Variants in DOCK1 observed in about 807,000 individuals in gnomAD.
The protein encoded by DOCK1 is dedicator of cytokinesis 1, also known as dedicator of cytokinesis protein 1.
Under a neutral mutation model 262.7 loss-of-function variants are expected in DOCK1, and 138 were observed. That is an observed-to-expected ratio of 0.53 (90% CI 0.46 to 0.61). The LOEUF (loss-of-function observed/expected upper bound fraction) is 0.61. Ranked by LOEUF, DOCK1 falls within the 20% of genes least tolerant of loss-of-function variation. The probability of loss-of-function intolerance (pLI) is 0.00; values close to 1 mark genes in which losing one functional copy is unlikely to be tolerated. For synonymous variants in DOCK1, 866 were observed against 867.4 expected, an observed-to-expected ratio of 1.00 and a Z score of 0.03; for missense variants, 1,908 against 2,370.7, an observed-to-expected ratio of 0.80 and a Z score of 4.05.
intron 38 of DOCK1, among the ~76,000 whole-genome samples, chr10:127,394,294 T>A (rs893561129): frequency 2.0e-5 from 3 of 151,776 alleles, no homozygotes; most frequent in Non-Finnish European, 4.4e-5. Flanking sequence ...AGCTCTGTTG[T>A]ATTTTCCCTT....
intron 16 of DOCK1, among the ~76,000 whole-genome samples, chr10:127,031,318 T>C (rs1159097687): frequency 2.0e-5 from 3 of 152,182 alleles, no homozygotes; most frequent in Non-Finnish European, 4.4e-5. Flanking sequence ...GTTGCGGGCT[T>C]TCCTCTGCCT....
At position 127,444,359 on chromosome 10, in the gene DOCK1, G is replaced by A. The variant is rs895502142; in HGVS notation, c.5413+80G>A. Reference sequence around the variant, plus strand: ...CACTGAAGGCTCTGAGGTTAGAAGCGCTTCCTCCCTCCCCTTGCAGCAGAG... The same window carrying A: ...CACTGAAGGCTCTGAGGTTAGAAGCACTTCCTCCCTCCCCTTGCAGCAGAG... On this transcript the variant is annotated intron_variant, in intron 50 of 51. Coordinates refer to ENST00000623213, the MANE Select transcript of DOCK1 (RefSeq NM_001290223.2). 3.4e-5 allele frequency: 49 copies of A among 1,458,252 alleles called. No homozygotes were observed. In the East Asian group the frequency reaches 3.9e-4, roughly 12 times the overall value. 90.3% of individuals were successfully genotyped at this position (1,458,252 alleles called of 1,614,324 possible). A position where few individuals can be genotyped will look rare whatever the true frequency, so the allele number is the denominator to read the frequency against.
At chr10:127,227,432 C>G (rs994734260) in intron 27 of DOCK1, among the ~76,000 whole-genome samples, 1 of 152,112 alleles carries the variant, frequency 6.6e-6, no homozygotes, top group Non-Finnish European at 1.5e-5. Context: ...TCCTGAGCAC[C>G]CATCTGGCCT....
intron 29 of DOCK1, among the ~76,000 whole-genome samples, chr10:127,281,698 G>A (rs1447132911): frequency 5.9e-5 from 9 of 152,160 alleles, no homozygotes; most frequent in Non-Finnish European, 8.8e-5. Flanking sequence ...CAGAAGACAC[G>A]CAGGGTTGAT....
intron 23 of DOCK1, among the ~76,000 whole-genome samples, chr10:127,101,137 A>G: frequency 6.6e-6 from 1 of 151,396 alleles, no homozygotes; most frequent in Non-Finnish European, 1.5e-5. Flanking sequence ...TGGGAGCTGG[A>G]GTCTTGTGTT....
intron 29 of DOCK1, among the ~76,000 whole-genome samples, chr10:127,292,717 G>C (rs553972204): frequency 1.1e-4 from 17 of 152,194 alleles, no homozygotes; most frequent in African/African-American, 4.1e-4. Flanking sequence ...TGCTTGTCAG[G>C]TATGCTGTTG....
chr10:126,936,891 C>T (rs936099667), intron 1 of DOCK1, among the ~76,000 whole-genome samples: 1 of 152,134 alleles, frequency 6.6e-6, no homozygotes, highest in Non-Finnish European at 1.5e-5. Context: ...CATTCGTCAC[C>T]GGAACTCTTT....
rs1427343077 is a variant in DOCK1, at chr10:127,451,564, G to A, written c.*137G>A. 6.6e-6 allele frequency: 10 copies of A among 1,505,910 alleles called. No homozygotes were observed. The East Asian group carries it at 2.5e-4, about 38-fold the overall frequency. The allele number at this position is 1,505,910 out of a possible 1,614,324, so 93.3% of individuals were successfully genotyped here. On this transcript the variant is annotated 3_prime_UTR_variant, in exon 52 of 52. Transcript: ENST00000623213. The stretch of plus-strand genomic sequence containing the variant: ...TCGTGCGACTGCTTTTTCTTCAAAG[G>A]AGTTCAGTTCTCACCATGGAGTGAG...
At chr10:127,227,714 T>C (rs529645919) in intron 27 of DOCK1, among the ~76,000 whole-genome samples, 2 of 152,366 alleles carry the variant, frequency 1.3e-5, no homozygotes, top group Admixed American at 1.3e-4. Context: ...TGTGCAACTT[T>C]TCCCTACAGC....
At chr10:127,370,427 T>C (rs1255251295) in intron 33 of DOCK1, among the ~76,000 whole-genome samples, 1 of 152,130 alleles carries the variant, frequency 6.6e-6, no homozygotes, top group Non-Finnish European at 1.5e-5. Context: ...CACAGAACCC[T>C]AGAGCTCTTC....
chr10:127,341,973 C>T (rs79390251), intron 30 of DOCK1, among the ~76,000 whole-genome samples: 2,181 of 152,290 alleles, frequency 0.014, 62 homozygotes, highest in African/African-American at 0.048. Context: ...AGTGCTCTGG[C>T]TCAAAGGCAG....
At chr10:127,123,744 T>C (rs2049762631) in intron 25 of DOCK1, among the ~76,000 whole-genome samples, 1 of 152,162 alleles carries the variant, frequency 6.6e-6, no homozygotes, top group Non-Finnish European at 1.5e-5. Flanking sequence ...GCTCTAACAC[T>C]AGGGCAGTCT....
chr10:127,050,234 A>G (rs1053350004), intron 21 of DOCK1, among the ~76,000 whole-genome samples: 4 of 151,216 alleles, frequency 2.6e-5, no homozygotes, highest in Non-Finnish European at 4.4e-5. Context: ...CTTAATTATA[A>G]TAGATATTTC....
At chr10:126,919,187 G>A (rs1029086598) in intron 1 of DOCK1, among the ~76,000 whole-genome samples, 7 of 152,284 alleles carry the variant, frequency 4.6e-5, no homozygotes, top group African/African-American at 1.4e-4. Context: ...CTTCCTAAAC[G>A]CAGGAACTCA....
intron 32 of DOCK1, 73 bp downstream of exon 32, chr10:127,354,800 T>A (rs2064059767): frequency 1.3e-6 from 2 of 1,582,308 alleles, no homozygotes; most frequent in Non-Finnish European, 1.7e-6. Flanking sequence ...GCCGTGTTCA[T>A]CAGTGTTGGG....
intron 27 of DOCK1, chr10:127,153,873 T>A (rs376755065): frequency 6.2e-7 from 1 of 1,612,664 alleles, no homozygotes; most frequent in Non-Finnish European, 8.5e-7. Context: ...ACATGCACTG[T>A]TCCTGCATGT....
chr10:126,927,949 G>T (rs935427172), intron 1 of DOCK1, among the ~76,000 whole-genome samples: 1 of 152,084 alleles, frequency 6.6e-6, no homozygotes, highest in Admixed American at 6.5e-5. Flanking sequence ...GACACCTGCC[G>T]TGCAGGTGAG....
chr10:127,275,106 G>T (rs2060697202), intron 29 of DOCK1, among the ~76,000 whole-genome samples: 1 of 152,162 alleles, frequency 6.6e-6, no homozygotes, highest in Non-Finnish European at 1.5e-5. Flanking sequence ...GGATTTAGAT[G>T]ATGATATTCA....
At chr10:127,371,655 AT>A (rs2065216571) in intron 33 of DOCK1, among the ~76,000 whole-genome samples, 1 of 152,110 alleles carries the variant, frequency 6.6e-6, no homozygotes, top group African/African-American at 2.4e-5. Flanking sequence ...AAATTGAATC[AT>A]GTTTTGATTA....
Sources: allele counts gnomAD v4.1 joint callset (sites outside exome capture counted in the v4.1 genomes callset), GRCh38; gene constraint gnomAD v4.1.1; transcripts MANE v1.5; gene names NCBI Gene and HGNC (gene_info 2026-07-23, HGNC 2026-07-21).